The following AKAP13 variants were observed in gnomAD, a reference collection of about 807,000 sequenced individuals.
AKAP13 encodes A-kinase anchoring protein 13.
A neutral mutation model predicts 264.5 loss-of-function variants in AKAP13; 80 were observed. The ratio of observed to expected loss-of-function variants is 0.30; its 90% confidence interval spans 0.25 to 0.36. The LOEUF (loss-of-function observed/expected upper bound fraction) is 0.36. Among genes scored for constraint, AKAP13 ranks in the 10% least tolerant of loss-of-function variants. The probability of loss-of-function intolerance (pLI) is 1.00; values close to 1 mark genes in which losing one functional copy is unlikely to be tolerated. For synonymous variants in AKAP13, 1,380 were observed against 1,250.2 expected (o/e 1.10, Z -2.19); for missense variants, 3,712 against 3,435.2 (o/e 1.08, Z -2.01).
At chr15:85,386,626 A>T (rs2070576681) in intron 1 of AKAP13, among the ~76,000 whole-genome samples, 2 of 152,098 alleles carry the variant, frequency 1.3e-5, no homozygotes, top group Admixed American at 1.3e-4. Context: ...TTATATTTAC[A>T]TTTATTATCT....
chr15:85,634,067 G>A (rs2081975756), intron 8 of AKAP13, among the ~76,000 whole-genome samples: 1 of 152,170 alleles, frequency 6.6e-6, no homozygotes, highest in South Asian at 2.1e-4. Context: ...AACACACCAG[G>A]AACTGAAACC....
At chr15:85,463,221 T>C (rs1234760393) in intron 1 of AKAP13, among the ~76,000 whole-genome samples, 1 of 151,984 alleles carries the variant, frequency 6.6e-6, no homozygotes, top group African/African-American at 2.4e-5. Context: ...ATAATATGCA[T>C]GTAATTGGAG....
chr15:85,706,704 T>C (rs2086285231), intron 17 of AKAP13, among the ~76,000 whole-genome samples: 1 of 152,148 alleles, frequency 6.6e-6, no homozygotes, highest in African/African-American at 2.4e-5. Flanking sequence ...ATAGGATGCA[T>C]GAGCTAGGCA....
intron 17 of AKAP13, among the ~76,000 whole-genome samples, chr15:85,696,222 T>C (rs1014877810): frequency 4.6e-5 from 7 of 152,318 alleles, no homozygotes; most frequent in African/African-American, 1.7e-4. Flanking sequence ...TCATTTTCAT[T>C]TGATTTTAGT....
intron 8 of AKAP13, among the ~76,000 whole-genome samples, chr15:85,596,548 C>T (rs1015900819): frequency 2.0e-5 from 3 of 152,058 alleles, no homozygotes; most frequent in Non-Finnish European, 4.4e-5. Flanking sequence ...TATGCCACTG[C>T]ACCCTAGTCT....
In AKAP13 at chr15:85,741,204, G is replaced by A; in HGVS notation, c.7767G>A (p.Lys2589=). ...KQRQDLANLQ[K]QQAQYLEEKR... ...GCCAGGACCTGGCCAACCTGCAGAA[G>A]CAGCAGGCCCAGTACCTCGAGGAGA... Residue 2589 remains lysine (K), a synonymous_variant, in exon 35 of 37, where the codon AAG becomes AAA. Coordinates refer to ENST00000394518, the MANE Select transcript of AKAP13 (RefSeq NM_007200.5). The A allele has an allele frequency of 6.2e-7, 1 of 1,610,768 alleles. No individual in the cohort carries two copies. The highest frequency in any genetic ancestry group is 8.5e-7 in the Non-Finnish European group (1 of 1,178,524).
chr15:85,511,334 G>A (rs1841378966), intron 2 of AKAP13, among the ~76,000 whole-genome samples: 1 of 152,144 alleles, frequency 6.6e-6, no homozygotes, highest in Non-Finnish European at 1.5e-5. Flanking sequence ...CTCATCTACA[G>A]TCAAGGTTTT....
At chr15:85,492,700 C>G (rs2075764575) in intron 2 of AKAP13, among the ~76,000 whole-genome samples, 2 of 152,154 alleles carry the variant, frequency 1.3e-5, no homozygotes, top group African/African-American at 4.8e-5. Flanking sequence ...CCAATAATGT[C>G]CATTATAGCA....
intron 17 of AKAP13, among the ~76,000 whole-genome samples, chr15:85,696,562 T>G (rs1223798069): frequency 1.3e-5 from 2 of 152,190 alleles, no homozygotes; most frequent in African/African-American, 2.4e-5. Flanking sequence ...GTGTGCCAGT[T>G]CTTCTTTTGG....
At chr15:85,454,915 C>A (rs370106348) in intron 1 of AKAP13, among the ~76,000 whole-genome samples, 5 of 152,298 alleles carry the variant, frequency 3.3e-5, no homozygotes, top group African/African-American at 1.2e-4. Context: ...CTCGATCTGT[C>A]GTCTTACTGA....
chr15:85,581,021 G>C lies in AKAP13; in HGVS notation c.2953G>C (p.Gly985Arg), dbSNP rs769113718. Residue 985 changes from glycine to arginine, a missense_variant, in exon 7 of 37, where the codon GGT (glycine) becomes CGT (arginine). Gly to Arg is a moderately radical substitution (Grantham distance 125, BLOSUM62 -2). This residue lies in a region of AKAP13 where 2,759 missense variants were observed against 2,411.7 expected (regional missense o/e 1.14). Transcript: ENST00000394518. ...AGCACTTCAGCTAAGTAATTCACCG[G>C]GTGCATCCTCTGCCTTTCTTAAGGC... ...DKALQLSNSP[G>R]ASSAFLKAET... The C allele has an allele frequency of 5.6e-6, 9 of 1,613,632 alleles. No individual in the cohort carries two copies. The highest frequency in any genetic ancestry group is 7.6e-6 in the Non-Finnish European group (9 of 1,179,838).
chr15:85,696,977 A>G (rs16943346), intron 17 of AKAP13, among the ~76,000 whole-genome samples: 6,481 of 152,282 alleles, frequency 0.043, 447 homozygotes, highest in African/African-American at 0.15. Flanking sequence ...GTGAGAATTG[A>G]TGAATCTGGA....
chr15:85,429,131 C>T (rs1034233861), intron 1 of AKAP13, among the ~76,000 whole-genome samples: 1 of 152,188 alleles, frequency 6.6e-6, no homozygotes, highest in African/African-American at 2.4e-5. Context: ...TGATATTACT[C>T]TCTTATTTAG....
At chr15:85,477,434 A>G (rs933852440) in intron 1 of AKAP13, among the ~76,000 whole-genome samples, 2 of 151,856 alleles carry the variant, frequency 1.3e-5, no homozygotes, top group Non-Finnish European at 2.9e-5. Flanking sequence ...TTGATGGGGC[A>G]CCAGCTGTTG....
chr15:85,443,024 T>G (rs1030419059), intron 1 of AKAP13, among the ~76,000 whole-genome samples: 2 of 152,150 alleles, frequency 1.3e-5, no homozygotes, highest in African/African-American at 4.8e-5. Flanking sequence ...CCAGTGTCAC[T>G]CAGCTAGTAT....
intron 1 of AKAP13, among the ~76,000 whole-genome samples, chr15:85,462,005 T>C (rs2074537779): frequency 6.6e-6 from 1 of 152,228 alleles, no homozygotes; most frequent in African/African-American, 2.4e-5. Flanking sequence ...GATTCACTTA[T>C]CCTGCCTTAA....
intron 1 of AKAP13, among the ~76,000 whole-genome samples, chr15:85,441,229 G>A (rs1382223607): frequency 7.2e-6 from 1 of 139,832 alleles, no homozygotes; most frequent in African/African-American, 2.4e-5. Context: ...CGTTCTGGTG[G>A]GTGTGTATTG....
chr15:85,738,068 T>C (rs1020455228), intron 33 of AKAP13, among the ~76,000 whole-genome samples: 2 of 152,126 alleles, frequency 1.3e-5, no homozygotes, highest in African/African-American at 4.8e-5. Flanking sequence ...TTAGCTAGAG[T>C]CGGCAGGTTC....
At chr15:85,659,241 A>T (rs1463703258) in intron 12 of AKAP13, among the ~76,000 whole-genome samples, 1 of 152,214 alleles carries the variant, frequency 6.6e-6, no homozygotes, top group Non-Finnish European at 1.5e-5. Context: ...ATTTGCTTCA[A>T]ATTTTCCGTT....
Sources: allele counts gnomAD v4.1 joint callset (sites outside exome capture counted in the v4.1 genomes callset), GRCh38; gene constraint gnomAD v4.1.1; regional missense constraint gnomAD v4.1.1; transcripts MANE v1.5; gene names NCBI Gene and HGNC (gene_info 2026-07-23, HGNC 2026-07-21).